ADSL: variants seen among roughly 807,000 people sequenced by gnomAD.
ADSL encodes adenylosuccinate lyase.
ADSL carries 44 observed loss-of-function variants against 62.1 expected under a neutral mutation model. The observed-to-expected ratio is 0.71, with a 90% confidence interval of 0.56 to 0.91. The LOEUF is 0.91. ADSL is among the 40% of genes least tolerant of loss of function. ADSL has a pLI of 0.00. For missense variants in ADSL, 531 were observed against 627.4 expected (o/e 0.85, Z 1.64); for synonymous variants, 198 against 220.5 (o/e 0.90, Z 0.90).
At chr22:40,349,722 G>C in intron 1 of ADSL, 110 bp from the exon 2 acceptor site, 1 of 961,312 alleles carries the variant, frequency 1.0e-6, no homozygotes, top group Non-Finnish European at 1.6e-6. Context: ...TTTAAGGGTT[G>C]GGAGATAGGG....
chr22:40,378,791 T>C (rs1325303877), intron 2 of ADSL, among the ~76,000 whole-genome samples: 1 of 152,010 alleles, frequency 6.6e-6, no homozygotes, highest in East Asian at 1.9e-4. Context: ...AACTGTAAAG[T>C]TCTCTCCAAT....
At chr22:40,374,582 A>G (rs1374058842) in intron 2 of ADSL, among the ~76,000 whole-genome samples, 1 of 152,250 alleles carries the variant, frequency 6.6e-6, no homozygotes, top group Non-Finnish European at 1.5e-5. Context: ...TAGGTGAGCA[A>G]TAAATATCTG....
At chr22:40,351,526 T>C (rs979457981) in intron 2 of ADSL, among the ~76,000 whole-genome samples, 3 of 152,034 alleles carry the variant, frequency 2.0e-5, no homozygotes, top group Non-Finnish European at 4.4e-5. Flanking sequence ...AGAATGGCCT[T>C]GAACTCCTGT....
chr22:40,353,622 T>TTC (rs200941133), intron 3 of ADSL, among the ~76,000 whole-genome samples: 15,100 of 115,604 alleles, frequency 0.13, 1,505 homozygotes, highest in Admixed American at 0.32. Context: ...AAGCATAGCC[T>TTC]TTTTTTTTTT....
intron 4 of ADSL, among the ~76,000 whole-genome samples, chr22:40,357,660 A>T (rs994007462): frequency 6.6e-6 from 1 of 152,188 alleles, no homozygotes; most frequent in Non-Finnish European, 1.5e-5. Flanking sequence ...TCCTCACTGG[A>T]TCTTGACTCC....
At chr22:40,383,347 T>C (rs751743892) in intron 2 of ADSL, among the ~76,000 whole-genome samples, 14 of 151,790 alleles carry the variant, frequency 9.2e-5, no homozygotes, top group South Asian at 4.2e-4. Context: ...GGTGCCTGTA[T>C]TCCCAGCTAC....
chr22:40,378,049 CT>C (rs1311451814), intron 2 of ADSL: 2 of 152,144 alleles, frequency 1.3e-5, no homozygotes, highest in Non-Finnish European at 2.9e-5. Context: ...AGGTGACAGA[CT>C]GTCTTGGTAT....
At chr22:40,355,801 T>G (rs762346755) in intron 4 of ADSL, among the ~76,000 whole-genome samples, 1 of 152,176 alleles carries the variant, frequency 6.6e-6, no homozygotes, top group Non-Finnish European at 1.5e-5. Context: ...CTATGGACAT[T>G]CCTAGTGTTA....
rs1389243636 is a variant in ADSL, at chr22:40,353,213, CAT to C, written c.402+98_402+99del. ...TAAATCAACACAGTGTAAATTTTTA[CAT>C]AGACTATCATTTTTTCAGGTGAATG... On this transcript the variant is annotated intron_variant, in intron 3 of 12. Transcript: ENST00000623063. The C allele has an allele frequency of 8.7e-5, 82 of 938,754 alleles. 1 individual carries two copies. In the South Asian group the frequency reaches 1.0e-3, roughly 12 times the overall value. 58.2% of individuals were successfully genotyped at this position (938,754 alleles called of 1,614,324 possible).
chr22:40,376,419 G>C (rs2046610124), intron 2 of ADSL: 1 of 151,842 alleles, frequency 6.6e-6, no homozygotes, highest in East Asian at 1.9e-4. Flanking sequence ...CTCATGAGTT[G>C]CTGTGATTAC....
rs1183595734 is a variant in ADSL at position 40,367,263 on chromosome 22, A to G, written c.*741A>G. The G allele has an allele frequency of 6.6e-6, 1 of 152,278 alleles. No homozygotes were observed. Among genetic ancestry groups the G allele is most frequent in the Non-Finnish European group, 1.5e-5 (1 of 68,132 alleles). The allele number at this position is 152,278 out of a possible 1,614,324, so 9.4% of individuals were successfully genotyped here. A position where few individuals can be genotyped will look rare whatever the true frequency, so the allele number is the denominator to read the frequency against. ...GCGATTCTCCAGCCTCAGCCTCCCA[A>G]GTAGCTGGGATTACAGGCGCCTGCC... On this transcript the variant is annotated 3_prime_UTR_variant, in exon 13 of 13. Coordinates refer to ENST00000623063, the MANE Select transcript of ADSL (RefSeq NM_000026.4).
intron 2 of ADSL, among the ~76,000 whole-genome samples, chr22:40,379,744 TG>T (rs2047250424): frequency 6.6e-6 from 1 of 152,182 alleles, no homozygotes; most frequent in Non-Finnish European, 1.5e-5. Flanking sequence ...GGTCTCACTT[TG>T]TCACCCAGGC....
At chr22:40,384,210 C>T (rs922135532) in intron 2 of ADSL, among the ~76,000 whole-genome samples, 1 of 151,900 alleles carries the variant, frequency 6.6e-6, no homozygotes, top group Non-Finnish European at 1.5e-5. Flanking sequence ...CACCACTGCA[C>T]TCAATTTGGG....
intron 2 of ADSL, 65 bp downstream of exon 2, chr22:40,350,100 ATGT>A (rs758137149): frequency 7.0e-6 from 10 of 1,422,576 alleles, no homozygotes; most frequent in Non-Finnish European, 8.9e-6. Flanking sequence ...ATTTTATTTG[ATGT>A]TGTCCAGTTG....
chr22:40,355,710 T>C (rs1425825108), intron 4 of ADSL, among the ~76,000 whole-genome samples: 1 of 152,202 alleles, frequency 6.6e-6, no homozygotes, highest in Non-Finnish European at 1.5e-5. Context: ...TTTCTTTGCT[T>C]ACACCAATAA....
In ADSL at chr22:40,366,604, G is replaced by A. The variant is rs556763619; in HGVS notation, c.*82G>A. The A allele has an allele frequency of 1.3e-5, 13 of 1,016,172 alleles. No individual in the cohort carries two copies. Among genetic ancestry groups the A allele is most frequent in the African/African-American group, 6.4e-5 (4 of 62,742 alleles). The allele number at this position is 1,016,172 out of a possible 1,614,324, so 62.9% of individuals were successfully genotyped here. The stretch of plus-strand genomic sequence containing the variant: ...TTACTATAATGCCTTATTTTACCTC[G>A]AGAATTGTTACCTTAAATTAGTACA... On this transcript the variant is annotated 3_prime_UTR_variant, in exon 13 of 13. Transcript: ENST00000623063.
intron 7 of ADSL, 69 bp from the exon 8 acceptor site, chr22:40,361,204 A>T: frequency 7.0e-7 from 1 of 1,437,962 alleles, no homozygotes; most frequent in Non-Finnish European, 9.8e-7. Flanking sequence ...TCATCAGCCT[A>T]GTCACAGCTC....
At chr22:40,371,440 G>A (rs928624210), downstream of ADSL, among the ~76,000 whole-genome samples, 3 of 152,156 alleles carry the variant, frequency 2.0e-5, no homozygotes, top group African/African-American at 7.2e-5. Flanking sequence ...GTCCTGGAAT[G>A]TTCTACACCT....
intron 3 of ADSL, 172 bp downstream of exon 3, chr22:40,353,289 C>A: frequency 1.4e-6 from 1 of 708,804 alleles, no homozygotes; most frequent in Non-Finnish European, 2.6e-6. Context: ...CTTCTCCTTT[C>A]TTCTTCTCTT....
Sources: gnomAD v4.1 joint callset for allele counts (sites outside exome capture counted in the v4.1 genomes callset) on GRCh38, gnomAD v4.1.1 for gene constraint, MANE v1.5 for transcripts, NCBI Gene and HGNC (gene_info 2026-07-23, HGNC 2026-07-21) for gene names.